CDK17: variants seen among roughly 807,000 people sequenced by gnomAD.
CDK17 encodes the protein cyclin-dependent kinase 17.
A neutral mutation model predicts 77.6 loss-of-function variants in CDK17; 24 were observed. The observed-to-expected ratio is 0.31, with a 90% CI of 0.22 to 0.44. CDK17 has a LOEUF of 0.44. Among genes scored for constraint, CDK17 ranks in the 20% least tolerant of loss-of-function variants. CDK17 has a pLI of 1.00. For synonymous variants in CDK17, 203 were observed against 210.4 expected (o/e 0.96, Z 0.30); for missense variants, 429 against 622.5 (o/e 0.69, Z 3.31).
intron 1 of CDK17, among the ~76,000 whole-genome samples, chr12:96,380,184 A>C (rs12829577): frequency 0.038 from 3,287 of 86,568 alleles, 94 homozygotes; most frequent in Admixed American, 0.11. Flanking sequence ...CAAAAAAAAA[A>C]CAAAAAAAAA....
intron 3 of CDK17, among the ~76,000 whole-genome samples, chr12:96,314,497 T>A (rs10745753): frequency 1.3e-5 from 2 of 151,944 alleles, no homozygotes; most frequent in Admixed American, 6.6e-5. Flanking sequence ...TATATCCTAC[T>A]GCTCAAGGTC....
At chr12:96,295,892 G>A (rs1952398552) in intron 9 of CDK17, among the ~76,000 whole-genome samples, 1 of 152,012 alleles carries the variant, frequency 6.6e-6, no homozygotes, top group African/African-American at 2.4e-5. Context: ...TGATTCTCTG[G>A]GGTTAACAAA....
chr12:96,339,457 T>C lies in CDK17; in HGVS notation c.-29-4592A>G, dbSNP rs148750210. Reference sequence around the variant, plus strand: ...GAATTCTGGAGATGGAAAATGGTGATAGATGCAGAACAATATGAAATAAAT... The same window carrying C: ...GAATTCTGGAGATGGAAAATGGTGACAGATGCAGAACAATATGAAATAAAT... On this transcript the variant is annotated intron_variant, in intron 1 of 16. Coordinates refer to ENST00000261211, the MANE Select transcript of CDK17 (RefSeq NM_002595.5). 4.6e-4 allele frequency among the ~76,000 whole-genome samples: 70 copies of C among 152,144 alleles called. No individual in the cohort carries two copies. In the East Asian group the frequency reaches 7.9e-3, roughly 17 times the overall value.
chr12:96,332,581 A>C (rs1051719243), intron 2 of CDK17, among the ~76,000 whole-genome samples: 2 of 152,232 alleles, frequency 1.3e-5, no homozygotes, highest in African/African-American at 4.8e-5. Flanking sequence ...AAAAAGGTGT[A>C]GAATCTCTGT....
chr12:96,330,694 G>A (rs1952954348), intron 2 of CDK17, among the ~76,000 whole-genome samples: 1 of 152,150 alleles, frequency 6.6e-6, no homozygotes, highest in African/African-American at 2.4e-5. Context: ...ATTCATTTAT[G>A]TATTGAATAA....
chr12:96,286,047 G>A lies in CDK17; in HGVS notation c.1318C>T (p.Pro440Ser). 3 of 1,525,566 alleles carry A rather than the reference G, an allele frequency of 2.0e-6. No individual in the cohort carries two copies. The highest frequency in any genetic ancestry group is 2.4e-5 in the East Asian group (1 of 42,370). 94.5% of individuals were successfully genotyped at this position (1,525,566 alleles called of 1,614,324 possible). The change falls in exon 13 of 17, where the codon CCC becomes TCC. Residue 440 changes from proline to serine, a missense_variant. Around this residue, in one of 4 missense-constraint regions of CDK17, gnomAD observed 115 missense variants for 124.2 expected, o/e 0.93. Transcript: ENST00000261211. ...TCACATAAGAAAAAAAAATACCTGGGTGCGTGGTTAATTAGAGGCTGTGGT... is the reference window on the plus strand; with the variant it reads ...TCACATAAGAAAAAAAAATACCTGGATGCGTGGTTAATTAGAGGCTGTGGT... ...YKPQPLINHA[P>S]RLDSEGIELI... is the part of the protein sequence containing the mutation.
intron 2 of CDK17, among the ~76,000 whole-genome samples, chr12:96,327,090 C>T (rs1372805161): frequency 1.3e-5 from 2 of 152,018 alleles, no homozygotes; most frequent in African/African-American, 2.4e-5. Flanking sequence ...AGTGGTTATA[C>T]GAATCAACAC....
At chr12:96,334,665 T>G in intron 2 of CDK17, 54 bp downstream of exon 2, 1 of 898,210 alleles carries the variant, frequency 1.1e-6, no homozygotes, top group Non-Finnish European at 1.8e-6. Context: ...ATTTACATTC[T>G]ATTCATAAAG....
At chr12:96,369,301 T>C (rs1953652421) in intron 1 of CDK17, among the ~76,000 whole-genome samples, 2 of 152,092 alleles carry the variant, frequency 1.3e-5, no homozygotes, top group African/African-American at 4.8e-5. Context: ...ACCAACACAG[T>C]CTCTACCATT....
chr12:96,357,151 G>A (rs1196753289), intron 1 of CDK17, among the ~76,000 whole-genome samples: 1 of 152,124 alleles, frequency 6.6e-6, no homozygotes, highest in Non-Finnish European at 1.5e-5. Context: ...ATATACAAAA[G>A]GGGAAAAAGC....
At chr12:96,373,270 T>C (rs1284223369) in intron 1 of CDK17, among the ~76,000 whole-genome samples, 5 of 152,138 alleles carry the variant, frequency 3.3e-5, no homozygotes, top group African/African-American at 4.8e-5. Flanking sequence ...CTGAGAAAAC[T>C]GCATTTAGTT....
intron 5 of CDK17, among the ~76,000 whole-genome samples, chr12:96,302,058 G>A (rs938494861): frequency 6.6e-6 from 1 of 151,964 alleles, no homozygotes; most frequent in African/African-American, 2.4e-5. Flanking sequence ...TTCCTATGAC[G>A]TTTTTCATAA....
intron 1 of CDK17, among the ~76,000 whole-genome samples, chr12:96,369,641 G>A (rs1953657802): frequency 6.6e-6 from 1 of 152,190 alleles, no homozygotes; most frequent in African/African-American, 2.4e-5. Context: ...ATCCAGGCGT[G>A]ATGGTGCATG....
At chr12:96,384,328 C>T (rs1167846196) in intron 1 of CDK17, among the ~76,000 whole-genome samples, 1 of 152,180 alleles carries the variant, frequency 6.6e-6, no homozygotes, top group African/African-American at 2.4e-5. Flanking sequence ...GTTAGGTTAG[C>T]CACTGTGGAA....
intron 3 of CDK17, among the ~76,000 whole-genome samples, chr12:96,323,463 A>AAAAAAT (rs1005485471): frequency 2.6e-5 from 4 of 152,130 alleles, no homozygotes; most frequent in African/African-American, 9.7e-5. Context: ...ACTGTCTCAA[A>AAAAAAT]AAAAATAAAA....
At chr12:96,392,740 T>G (rs951144652) in intron 1 of CDK17, among the ~76,000 whole-genome samples, 1 of 152,132 alleles carries the variant, frequency 6.6e-6, no homozygotes, top group Non-Finnish European at 1.5e-5. Flanking sequence ...GAAGCTGGAA[T>G]GCAACTCAGA....
chr12:96,359,519 G>T (rs1953461315), intron 1 of CDK17, among the ~76,000 whole-genome samples: 1 of 152,064 alleles, frequency 6.6e-6, no homozygotes. Flanking sequence ...GTCCATCTGG[G>T]GTATTACACA....
intron 1 of CDK17, among the ~76,000 whole-genome samples, chr12:96,388,775 G>A (rs982930591): frequency 6.6e-6 from 1 of 152,148 alleles, no homozygotes; most frequent in Non-Finnish European, 1.5e-5. Context: ...TCTGCAAGCT[G>A]TACAAGCATA....
In CDK17 at chr12:96,289,179, T is replaced by G; in HGVS notation, c.1106A>C (p.Gln369Pro). 1 of 1,613,910 alleles carries G rather than the reference T, an allele frequency of 6.2e-7. No individual in the cohort carries two copies. The highest frequency in any genetic ancestry group is 8.5e-7 in the Non-Finnish European group (1 of 1,179,782). ...TGTATATATTTACCACATGTCAATC[T>G]GTGTTGAGTACTCCGAGGAACCAAG... ...VLLGSSEYST[Q>P]IDMWGVGCIF... The change falls in exon 11 of 17, where the codon CAG (glutamine) becomes CCG (proline). Residue 369 changes from glutamine to proline, a missense_variant. Physicochemically the swap from Gln to Pro is moderately conservative, Grantham distance 76. This residue lies in a region of CDK17 where 51 missense variants were observed against 96.5 expected (regional missense o/e 0.53). Coordinates refer to ENST00000261211, the MANE Select transcript of CDK17 (RefSeq NM_002595.5).
Sources: gnomAD v4.1 joint callset for allele counts (sites outside exome capture counted in the v4.1 genomes callset) on GRCh38, gnomAD v4.1.1 for gene constraint, gnomAD v4.1.1 regional missense constraint, MANE v1.5 for transcripts, NCBI Gene and HGNC (gene_info 2026-07-23, HGNC 2026-07-21) for gene names.